Variants in GGA3 observed in about 807,000 individuals in gnomAD.
GGA3 encodes the protein ADP-ribosylation factor-binding protein GGA3.
A neutral mutation model predicts 77.5 loss-of-function variants in GGA3; 57 were observed. That is an observed-to-expected ratio of 0.74 (90% CI 0.59 to 0.92). The LOEUF is 0.92. GGA3 is among the 40% of genes least tolerant of loss of function. The pLI, the probability that GGA3 is intolerant of heterozygous loss-of-function variation, is 0.00. For missense variants in GGA3, 970 were observed against 914.9 expected, an observed-to-expected ratio of 1.06 and a Z score of -0.78; for synonymous variants, 416 against 383.7, an observed-to-expected ratio of 1.08 and a Z score of -0.98.
intron 1 of GGA3, among the ~76,000 whole-genome samples, chr17:75,251,706 C>CAAAAAAAAA (rs35924573): frequency 7.3e-5 from 5 of 68,228 alleles, no homozygotes; most frequent in Admixed American, 1.9e-4. Context: ...GACTCCTTCT[C>CAAAAAAAAA]AAAAAAAAAA....
At position 75,246,709 on chromosome 17, in the gene GGA3, C is replaced by A; in HGVS notation, c.125+3G>T. On this transcript the variant is annotated splice_donor_region_variant and intron_variant, in intron 2 of 16. Transcript: ENST00000537686. ...CAGCTGCCCCCACAGTGCTGAGACT[C>A]ACCCTTCCAGCTCCTTGTTGATCTG... 1 of 1,612,510 alleles carries A rather than the reference C, an allele frequency of 6.2e-7. No individual in the cohort carries two copies. Among genetic ancestry groups the A allele is most frequent in the South Asian group, 1.1e-5 (1 of 91,052 alleles).
rs2076485857 is a variant in GGA3, at chr17:75,240,083, A to C, written c.1289T>G (p.Phe430Cys). ...LQREQSDLDF[F>C]SPRPGTAACG... is the part of the protein sequence containing the mutation. The stretch of plus-strand genomic sequence containing the variant: ...GGCAGCGGTCCCCGGCCTGGGGCTG[A>C]AGAAGTCCAGGTCGGACTGTTCCCT... The change falls in exon 13 of 17, where the codon TTC becomes TGC. Residue 430 changes from phenylalanine (F) to cysteine (C), a missense_variant. Physicochemically the swap from Phe to Cys is radical, Grantham distance 205. Transcript: ENST00000537686. The C allele has an allele frequency of 6.5e-7, 1 of 1,550,176 alleles. No homozygotes were observed. The highest frequency in any genetic ancestry group is 8.7e-7 in the Non-Finnish European group (1 of 1,148,132).
At position 75,241,524 on chromosome 17, in the gene GGA3, A is replaced by AT. The variant is rs1333855801; in HGVS notation, c.830-9_830-8insA. On this transcript the variant is annotated splice_polypyrimidine_tract_variant and intron_variant, in intron 9 of 16. Coordinates refer to ENST00000537686, the MANE Select transcript of GGA3 (RefSeq NM_138619.4). ...TGGCTTGCAGGATGTCCCCTGGAGC[A>AT]GGAAAGAGAGACTTCTCACTCCTGT... 2 of 1,608,338 alleles carry AT rather than the reference A, an allele frequency of 1.2e-6. No individual in the cohort carries two copies. Among genetic ancestry groups the AT allele is most frequent in the African/African-American group, 2.7e-5 (2 of 74,784 alleles).
chr17:75,250,481 G>A (rs2076922902), intron 1 of GGA3, among the ~76,000 whole-genome samples: 1 of 152,226 alleles, frequency 6.6e-6, no homozygotes, highest in Non-Finnish European at 1.5e-5. Flanking sequence ...CTACATAGCA[G>A]GCTGGATGCG....
chr17:75,247,572 A>G (rs1227063965), intron 1 of GGA3, among the ~76,000 whole-genome samples: 1 of 152,154 alleles, frequency 6.6e-6, no homozygotes, highest in Non-Finnish European at 1.5e-5. Context: ...AATATTTTCC[A>G]CATACCTGTC....
At chr17:75,256,458 C>G (rs1476195995) in intron 1 of GGA3, among the ~76,000 whole-genome samples, 1 of 152,044 alleles carries the variant, frequency 6.6e-6, no homozygotes, top group East Asian at 1.9e-4. Flanking sequence ...CACCTGACCC[C>G]CATGACTGTA....
rs180962784 is a variant in GGA3 at position 75,245,812 on chromosome 17, G to A, written c.201+697C>T. ...GCTGGGACTATAGGTACAAGCCACC[G>A]TGCCCTGCTGAGAATCACTGTTTTA... is the stretch of plus-strand genomic sequence containing the variant. On this transcript the variant is annotated intron_variant, in intron 3 of 16. Transcript: ENST00000537686. Among the ~76,000 whole-genome samples, 832 of 146,150 alleles carry A rather than the reference G, an allele frequency of 5.7e-3. 7 individuals carry two copies. Among genetic ancestry groups the A allele is most frequent in the African/African-American group, 0.022 (784 of 35,792 alleles).
chr17:75,255,121 A>G (rs945548380), intron 1 of GGA3, among the ~76,000 whole-genome samples: 37 of 152,132 alleles, frequency 2.4e-4, no homozygotes, highest in South Asian at 6.2e-4. Flanking sequence ...CACAGTGGAG[A>G]GTAAGTCCGT....
intron 1 of GGA3, among the ~76,000 whole-genome samples, chr17:75,247,312 T>C (rs1440722205): frequency 1.3e-5 from 2 of 151,916 alleles, no homozygotes; most frequent in Non-Finnish European, 2.9e-5. Flanking sequence ...GCCCAGGCTG[T>C]AGTACAGTGG....
chr17:75,262,108 A>T (rs189977634), upstream of GGA3: 30 of 1,170,432 alleles, frequency 2.6e-5, 1 homozygote, highest in Admixed American at 6.9e-4. Flanking sequence ...CAAGCTTCTA[A>T]GTTAGCTGCG....
In GGA3 at chr17:75,261,554, A is replaced by G. The variant is rs1357408089; in HGVS notation, c.34T>C (p.Trp12Arg). ...AEAEGESLES[W>R]LNKATNPSNR... The stretch of plus-strand genomic sequence containing the variant: ...AACGGCCGCGGCTACTCACTGAGCC[A>G]GGACTCCAGGCTTTCCCCTTCCGCC... The change falls in exon 1 of 17, where the codon TGG becomes CGG. Residue 12 changes from tryptophan (W) to arginine (R), a missense_variant. Transcript: ENST00000537686. 28 of 1,545,522 alleles carry G rather than the reference A, an allele frequency of 1.8e-5. No individual in the cohort carries two copies. In the East Asian group the frequency reaches 6.4e-4, roughly 35 times the overall value.
At chr17:75,251,135 T>C (rs946167616) in intron 1 of GGA3, among the ~76,000 whole-genome samples, 11 of 151,734 alleles carry the variant, frequency 7.2e-5, no homozygotes, top group Non-Finnish European at 1.3e-4. Flanking sequence ...AGCAAGAACA[T>C]GGGCTGGAAA....
At chr17:75,254,521 C>T (rs973791853) in intron 1 of GGA3, among the ~76,000 whole-genome samples, 2 of 152,126 alleles carry the variant, frequency 1.3e-5, no homozygotes, top group South Asian at 2.1e-4. Context: ...AACCCTGAGA[C>T]GCTTTACAGC....
chr17:75,239,528 T>C lies in GGA3; in HGVS notation c.1627A>G (p.Thr543Ala). ...VKPTTSPLIP[T>A]TTPARPLLPF... ...AGGAGGGGCCTGGCTGGGGTGGTGG[T>C]GGGGATGAGAGGGGAGGTAGTGGGT... Residue 543 changes from threonine (T) to alanine (A), a missense_variant, in exon 14 of 17, where the codon ACC becomes GCC. Transcript: ENST00000537686. 6.4e-7 allele frequency: 1 copy of C among 1,564,114 alleles called. No homozygotes were observed. The highest frequency in any genetic ancestry group is 8.6e-7 in the Non-Finnish European group (1 of 1,157,338).
At chr17:75,256,065 A>C (rs1231396185) in intron 1 of GGA3, among the ~76,000 whole-genome samples, 2 of 151,968 alleles carry the variant, frequency 1.3e-5, no homozygotes, top group African/African-American at 4.8e-5. Context: ...TAATCTCCCA[A>C]ACCTCAATCC....
Position 75,239,786 on chromosome 17 carries a change from T to C in GGA3, c.1583+3A>G. The C allele has an allele frequency of 1.2e-6, 2 of 1,613,466 alleles. No individual in the cohort carries two copies. The highest frequency in any genetic ancestry group is 1.7e-6 in the Non-Finnish European group (2 of 1,179,940). On this transcript the variant is annotated splice_donor_region_variant and intron_variant, in intron 13 of 16. Coordinates refer to ENST00000537686, the MANE Select transcript of GGA3 (RefSeq NM_138619.4). Reference sequence around the variant, plus strand: ...CAACCCCACATCTCCTCCCACTCATTACACTTTGGCCTCTTCTAGAAGCTG... The same window carrying C: ...CAACCCCACATCTCCTCCCACTCATCACACTTTGGCCTCTTCTAGAAGCTG...
Position 75,237,707 on chromosome 17 carries a change from G to C in GGA3, c.*572C>G. On this transcript the variant is annotated 3_prime_UTR_variant, in exon 17 of 17. Transcript: ENST00000537686. ...CATTCCAGGACGATGCTGTCCACCAGAGGCAGGGCTGGGGACTTTGCAGTA... is the reference window on the plus strand; with the variant it reads ...CATTCCAGGACGATGCTGTCCACCACAGGCAGGGCTGGGGACTTTGCAGTA... 6.9e-7 allele frequency: 1 copy of C among 1,452,022 alleles called. No individual in the cohort carries two copies. The highest frequency in any genetic ancestry group is 2.5e-5 in the East Asian group (1 of 40,128). 89.9% of individuals were successfully genotyped at this position (1,452,022 alleles called of 1,614,324 possible).
chr17:75,241,783 C>A, intron 8 of GGA3, 87 bp from the exon 9 acceptor site: 1 of 1,156,032 alleles, frequency 8.7e-7, no homozygotes, highest in South Asian at 1.2e-5. Context: ...AGAAAATGAC[C>A]GGGATATGCC....
At chr17:75,244,393 C>G in intron 4 of GGA3, 1 of 498,890 alleles carries the variant, frequency 2.0e-6, no homozygotes, top group East Asian at 3.7e-5. Context: ...ACAGCCACTA[C>G]CACATCACCT....
Sources: allele counts gnomAD v4.1 joint callset (sites outside exome capture counted in the v4.1 genomes callset), GRCh38; gene constraint gnomAD v4.1.1; transcripts MANE v1.5; gene names NCBI Gene and HGNC (gene_info 2026-07-23, HGNC 2026-07-21).